The following LCORL variants were observed in gnomAD, a reference collection of about 807,000 sequenced individuals.
The protein encoded by LCORL is ligand-dependent nuclear receptor corepressor-like protein.
LCORL carries 41 observed loss-of-function variants against 141.8 expected under a neutral mutation model. The ratio of observed to expected loss-of-function variants is 0.29; its 90% CI spans 0.23 to 0.38. LCORL has a LOEUF of 0.38. Among genes scored for constraint, LCORL ranks in the 10% least tolerant of loss-of-function variants. The pLI is 1.00. For missense variants in LCORL, 1,759 were observed against 2,035.0 expected (o/e 0.86, Z 2.61); for synonymous variants, 618 against 694.1 (o/e 0.89, Z 1.72).
intron 4 of LCORL, among the ~76,000 whole-genome samples, chr4:17,956,723 G>C (rs1010394022): frequency 3.3e-4 from 50 of 152,076 alleles, no homozygotes; most frequent in African/African-American, 1.2e-3. Context: ...TTTAGTGTTT[G>C]ATGGTACAGT....
intron 5 of LCORL, among the ~76,000 whole-genome samples, chr4:17,902,079 G>T (rs1730973583): frequency 6.6e-6 from 1 of 151,930 alleles, no homozygotes; most frequent in African/African-American, 2.4e-5. Context: ...TTTTGTCAGT[G>T]TTCTGAGGTT....
intron 1 of LCORL, among the ~76,000 whole-genome samples, chr4:18,009,120 C>G (rs936660239): frequency 2.6e-5 from 4 of 152,092 alleles, no homozygotes; most frequent in African/African-American, 9.7e-5. Flanking sequence ...TGTATACATA[C>G]ACATACATTT....
At chr4:17,845,720 T>C in exon 8 of LCORL, 1 of 1,603,472 alleles carries the variant, frequency 6.2e-7, no homozygotes, top group Non-Finnish European at 8.5e-7. Context: ...AGAACTGCAA[T>C]CTATTTCTCT....
At chr4:17,927,487 T>C (rs1487693764) in intron 4 of LCORL, among the ~76,000 whole-genome samples, 2 of 152,116 alleles carry the variant, frequency 1.3e-5, no homozygotes, top group Non-Finnish European at 2.9e-5. Context: ...GCAATAGGAG[T>C]AGCTTTTGGC....
intron 1 of LCORL, among the ~76,000 whole-genome samples, chr4:18,008,669 A>G (rs901057393): frequency 2.0e-5 from 3 of 152,218 alleles, no homozygotes. Context: ...ATATGTGATA[A>G]TACATATAAA....
chr4:18,019,016 A>C (rs1301149207), intron 1 of LCORL, among the ~76,000 whole-genome samples: 1 of 152,226 alleles, frequency 6.6e-6, no homozygotes, highest in Non-Finnish European at 1.5e-5. Context: ...AACTCCATTT[A>C]ATCCCAATTC....
At chr4:17,973,204 G>A (rs1716307029) in intron 1 of LCORL, among the ~76,000 whole-genome samples, 1 of 151,722 alleles carries the variant, frequency 6.6e-6, no homozygotes, top group African/African-American at 2.4e-5. Context: ...TTGCAGAGAG[G>A]GGAAGAATAA....
intron 5 of LCORL, among the ~76,000 whole-genome samples, chr4:17,899,092 A>G (rs1177506185): frequency 6.6e-6 from 1 of 152,236 alleles, no homozygotes; most frequent in Non-Finnish European, 1.5e-5. Context: ...ATGAACTGAC[A>G]GTATAATTAT....
chr4:17,851,575 C>T (rs920723079), intron 7 of LCORL, among the ~76,000 whole-genome samples: 30 of 152,142 alleles, frequency 2.0e-4, no homozygotes, highest in Non-Finnish European at 8.8e-5. Context: ...ATGGATAAAT[C>T]TTAATTGATT....
At chr4:17,891,034 T>C (rs549903537) in intron 5 of LCORL, among the ~76,000 whole-genome samples, 31 of 152,258 alleles carry the variant, frequency 2.0e-4, no homozygotes, top group Middle Eastern at 3.4e-3. Context: ...GAAATTCTTA[T>C]GGTTTTGTTA....
At position 18,021,452 on chromosome 4, in the gene LCORL, GCCGCC is replaced by G. The variant is rs1366553302; in HGVS notation, c.154+141_154+145del. Reference sequence around the variant, plus strand: ...CGCAAGACAAAAGGCGAGCGCCGGGGCCGCCGCGCCGCGCCGCTCCCATCTCGCTC... The same window carrying G: ...CGCAAGACAAAAGGCGAGCGCCGGGGGCGCCGCGCCGCTCCCATCTCGCTC... On this transcript the variant is annotated intron_variant, in intron 1 of 7. Transcript: ENST00000635767. This position sits in a 1 kb window ranked among gnomAD's most constrained non-coding sequence, Gnocchi z 5.5. The G allele has an allele frequency of 2.8e-5, 18 of 642,014 alleles. No individual in the cohort carries two copies. The East Asian group carries it at 6.2e-4, about 22-fold the overall frequency. The allele number at this position is 642,014 out of a possible 1,614,324, so 39.8% of individuals were successfully genotyped here.
intron 4 of LCORL, among the ~76,000 whole-genome samples, chr4:17,955,491 A>G (rs1208559444): frequency 3.9e-5 from 6 of 152,152 alleles, no homozygotes; most frequent in Admixed American, 2.6e-4. Context: ...TCAGTTCCTC[A>G]TGGTGCTTAT....
At chr4:17,865,721 T>C (rs896365627) in intron 7 of LCORL, among the ~76,000 whole-genome samples, 1 of 152,160 alleles carries the variant, frequency 6.6e-6, no homozygotes, top group Non-Finnish European at 1.5e-5. Context: ...TACTTCCAGG[T>C]CCAGAAGCAT....
At chr4:17,900,086 TTTTC>T (rs1224687502) in intron 5 of LCORL, among the ~76,000 whole-genome samples, 2 of 152,260 alleles carry the variant, frequency 1.3e-5, no homozygotes, top group African/African-American at 2.4e-5. Flanking sequence ...CTAATTTCTT[TTTTC>T]TTTTTCTTTT....
chr4:17,983,101 T>C (rs946800500), intron 1 of LCORL, among the ~76,000 whole-genome samples: 2 of 152,342 alleles, frequency 1.3e-5, no homozygotes, highest in Non-Finnish European at 2.9e-5. Flanking sequence ...TTCTGTGCTC[T>C]CTATTCCATC....
chr4:17,982,099 C>CGTGTGTGTGTGT lies in LCORL; in HGVS notation c.155-9226_155-9215dup, dbSNP rs57094203. Reference sequence around the variant, plus strand: ...TTTTCATGGCTGCATAGTATTCCATCGTGTGTGTGTGTGTGTGTGTGTGTG... The same window carrying CGTGTGTGTGTGT: ...TTTTCATGGCTGCATAGTATTCCATCGTGTGTGTGTGTGTGTGTGTGTGTGTGTGTGTGTGTG... On this transcript the variant is annotated intron_variant, in intron 1 of 7. Transcript: ENST00000635767. Among the ~76,000 whole-genome samples the CGTGTGTGTGTGT allele has an allele frequency of 5.3e-3, 730 of 136,564 alleles. 9 individuals carry two copies. The highest frequency in any genetic ancestry group is 0.014 in the East Asian group (62 of 4,458). 89.6% of individuals were successfully genotyped at this position (136,564 alleles called of 152,430 possible).
At chr4:17,958,385 T>C (rs11945359) in intron 4 of LCORL, among the ~76,000 whole-genome samples, 36,147 of 151,818 alleles carry the variant, frequency 0.24, 5,490 homozygotes, top group African/African-American at 0.43. Flanking sequence ...TATTATCTGT[T>C]CAATTTAGTC....
rs972602582 is a variant in LCORL at position 17,998,805 on chromosome 4, A to C, written c.154+22793T>G. 3.3e-5 allele frequency among the ~76,000 whole-genome samples: 5 copies of C among 151,210 alleles called. No individual in the cohort carries two copies. In the East Asian group the frequency reaches 5.9e-4, roughly 18 times the overall value. ...CATAACGAAACCCTGTCTCTGCAAAAACCACAAAAATTAGCCAGGCATGGT... is the reference window on the plus strand; with the variant it reads ...CATAACGAAACCCTGTCTCTGCAAACACCACAAAAATTAGCCAGGCATGGT... On this transcript the variant is annotated intron_variant, in intron 1 of 7. Coordinates refer to ENST00000635767, the Ensembl canonical transcript of LCORL.
At chr4:17,902,225 G>A (rs1347555442) in intron 5 of LCORL, among the ~76,000 whole-genome samples, 1 of 152,080 alleles carries the variant, frequency 6.6e-6, no homozygotes, top group Non-Finnish European at 1.5e-5. Context: ...TTATCTAAAG[G>A]GCAATATGAA....
Sources: allele counts gnomAD v4.1 joint callset (sites outside exome capture counted in the v4.1 genomes callset), GRCh38; gene constraint gnomAD v4.1.1; non-coding constraint Gnocchi (gnomAD v3.1); transcripts MANE v1.5; gene names NCBI Gene and HGNC (gene_info 2026-07-23, HGNC 2026-07-21).